The following CFHR5 variants were observed in gnomAD, a reference collection of about 807,000 sequenced individuals.
CFHR5 encodes complement factor H-related protein 5.
CFHR5 carries 73 observed loss-of-function variants against 62.9 expected under a neutral mutation model. That is an observed-to-expected ratio of 1.16 (90% CI 0.96 to 1.41). The LOEUF (loss-of-function observed/expected upper bound fraction) is 1.41, where lower values mean the gene tolerates loss of function less well. Ranked by LOEUF, CFHR5 falls within the 40% of genes most tolerant of loss-of-function variation. CFHR5 has a pLI of 0.00. For missense variants in CFHR5, 779 were observed against 679.9 expected, an observed-to-expected ratio of 1.15 and a Z score of -1.62; for synonymous variants, 249 against 227.2, an observed-to-expected ratio of 1.10 and a Z score of -0.86.
intron 3 of CFHR5, among the ~76,000 whole-genome samples, chr1:196,991,812 G>T (rs545338365): frequency 6.6e-6 from 1 of 152,166 alleles, no homozygotes; most frequent in South Asian, 2.1e-4. Context: ...CCCCTACTGG[G>T]AGGTGTCTCC....
intron 1 of CFHR5, among the ~76,000 whole-genome samples, chr1:196,980,296 T>C (rs1189303763): frequency 6.6e-6 from 1 of 152,076 alleles, no homozygotes; most frequent in Non-Finnish European, 1.5e-5. Context: ...ATAACAACTA[T>C]AGTACATTAA....
intron 6 of CFHR5, among the ~76,000 whole-genome samples, chr1:196,997,254 G>T (rs1654016612): frequency 6.6e-6 from 1 of 152,096 alleles, no homozygotes; most frequent in Non-Finnish European, 1.5e-5. Flanking sequence ...CCTATTGTGA[G>T]GGAATGTTTT....
At position 196,995,870 on chromosome 1, in the gene CFHR5, GA is replaced by G. The variant is rs1470758230; in HGVS notation, c.762del (p.Glu255AsnfsTer12). 6.2e-7 allele frequency: 1 copy of G among 1,613,300 alleles called. No individual in the cohort carries two copies. The highest frequency in any genetic ancestry group is 1.7e-5 in the Admixed American group (1 of 59,950). The stretch of plus-strand genomic sequence containing the variant: ...CCTAAGAAAATACAATGTGTGGATG[GA>G]GAATGGACAACTTTACCCACTTGTG... ...NGPKKIQCVD[G>X]EWTTLPTCVE... On this transcript the variant is annotated frameshift_variant, in exon 5 of 10. Transcript: ENST00000256785. LOFTEE classifies it high-confidence loss of function.
Position 197,009,291 on chromosome 1 carries a change from C to T in CFHR5, c.*608C>T, listed in dbSNP as rs1009223187. The T allele has an allele frequency of 6.6e-6, 1 of 152,226 alleles. No homozygotes were observed. The highest frequency in any genetic ancestry group is 1.9e-4 in the East Asian group (1 of 5,186). The allele number at this position is 152,226 out of a possible 1,614,324, so 9.4% of individuals were successfully genotyped here. A position where few individuals can be genotyped will look rare whatever the true frequency, so the allele number is the denominator to read the frequency against. On this transcript the variant is annotated 3_prime_UTR_variant, in exon 10 of 10. Transcript: ENST00000256785. ...TGTTGCATTGGCAGTTAAGTTTCCA[C>T]GTAAACTTTCGGGGACACATTCAAA... is the stretch of plus-strand genomic sequence containing the variant.
intron 1 of CFHR5, among the ~76,000 whole-genome samples, chr1:196,981,416 A>G (rs1428899398): frequency 2.0e-5 from 3 of 152,070 alleles, no homozygotes; most frequent in African/African-American, 7.2e-5. Flanking sequence ...AGGAAGTGGT[A>G]TATAGGAAAT....
chr1:196,993,376 C>T (rs565786472), intron 3 of CFHR5, among the ~76,000 whole-genome samples: 2 of 152,046 alleles, frequency 1.3e-5, no homozygotes, highest in East Asian at 3.9e-4. Context: ...CTCACTGCAA[C>T]CTCCGCCTCC....
intron 3 of CFHR5, among the ~76,000 whole-genome samples, chr1:196,987,278 T>G (rs1653716087): frequency 1.3e-5 from 2 of 152,340 alleles, no homozygotes; most frequent in South Asian, 4.1e-4. Flanking sequence ...ATCAGATGGG[T>G]AGATTGCAAA....
At chr1:196,986,410 C>G (rs546819362) in intron 3 of CFHR5, among the ~76,000 whole-genome samples, 1 of 151,782 alleles carries the variant, frequency 6.6e-6, no homozygotes, top group Non-Finnish European at 1.5e-5. Context: ...AGGGTACATG[C>G]GCACAACATG....
Position 196,983,039 on chromosome 1 carries a change from A to G in CFHR5, c.213A>G (p.Thr71=), listed in dbSNP as rs143503904. 9.3e-6 allele frequency: 15 copies of G among 1,614,074 alleles called. No homozygotes were observed. Among genetic ancestry groups the G allele is most frequent in the African/African-American group, 2.7e-5 (2 of 75,010 alleles). ...SPSKSFWTRI[T]CTEEGWSPTP... is the part of the protein sequence containing the mutation. Reference sequence around the variant, plus strand: ...CAAAATCCTTTTGGACTCGCATAACATGCACAGAAGAAGGATGGTCACCAA... The same window carrying G: ...CAAAATCCTTTTGGACTCGCATAACGTGCACAGAAGAAGGATGGTCACCAA... Residue 71 remains threonine, a synonymous_variant, in exon 2 of 10, where the codon ACA becomes ACG. Transcript: ENST00000256785.
intron 3 of CFHR5, among the ~76,000 whole-genome samples, chr1:196,986,967 T>A (rs914616627): frequency 1.2e-4 from 18 of 152,226 alleles, no homozygotes; most frequent in African/African-American, 4.3e-4. Flanking sequence ...ATGGTTGAAC[T>A]AGTTTACACT....
At chr1:196,989,332 A>G (rs1294529313) in intron 3 of CFHR5, among the ~76,000 whole-genome samples, 1 of 152,002 alleles carries the variant, frequency 6.6e-6, no homozygotes, top group Non-Finnish European at 1.5e-5. Context: ...TCCTGGATTC[A>G]TTGATTTTCT....
rs1229901179 is a variant in CFHR5, at chr1:197,002,812, A to G, written c.1330+148A>G. ...TGCTAAGTAACCAATTCTGTCATTT[A>G]AAAAAGTTTCTCTAAGAGTTATCTC... On this transcript the variant is annotated intron_variant, in intron 8 of 9. Coordinates refer to ENST00000256785, the MANE Select transcript of CFHR5 (RefSeq NM_030787.4). 8 of 676,268 alleles carry G rather than the reference A, an allele frequency of 1.2e-5. No homozygotes were observed. The African/African-American group carries it at 1.5e-4, about 12-fold the overall frequency. 41.9% of individuals were successfully genotyped at this position (676,268 alleles called of 1,614,324 possible).
chr1:196,982,453 C>T (rs1272901068), intron 1 of CFHR5, among the ~76,000 whole-genome samples: 1 of 152,164 alleles, frequency 6.6e-6, no homozygotes, highest in Non-Finnish European at 1.5e-5. Context: ...GCATGGATCA[C>T]CTGAGGTCAG....
intron 1 of CFHR5, among the ~76,000 whole-genome samples, chr1:196,980,640 A>G (rs914683701): frequency 6.6e-6 from 1 of 151,786 alleles, no homozygotes; most frequent in Admixed American, 6.6e-5. Flanking sequence ...ATCCCAGAAG[A>G]AATATATTCA....
At chr1:197,001,970 C>T (rs906272883) in intron 7 of CFHR5, among the ~76,000 whole-genome samples, 1 of 152,060 alleles carries the variant, frequency 6.6e-6, no homozygotes, top group African/African-American at 2.4e-5. Context: ...CCTAGTCCAA[C>T]GGAGGCATTC....
chr1:196,987,214 T>G (rs187196180), intron 3 of CFHR5, among the ~76,000 whole-genome samples: 4 of 148,016 alleles, frequency 2.7e-5, no homozygotes, highest in Non-Finnish European at 5.9e-5. Context: ...TTTGATGGGG[T>G]TTTTTCTTGT....
In CFHR5 at chr1:196,994,085, G is replaced by A. The variant is rs142998381; in HGVS notation, c.436G>A (p.Glu146Lys). 1.2e-6 allele frequency: 2 copies of A among 1,610,836 alleles called. No homozygotes were observed. Among genetic ancestry groups the A allele is most frequent in the Non-Finnish European group, 8.5e-7 (1 of 1,177,584 alleles). ...TCATTTAATTTTATTTTTAGAAGGAGAATGTCATGTTCCAATTTTAGAAGC... is the reference window on the plus strand; with the variant it reads ...TCATTTAATTTTATTTTTAGAAGGAAAATGTCATGTTCCAATTTTAGAAGC... Reference protein sequence around the residue: ...TPPICSFTKGECHVPILEANV... With the variant: ...TPPICSFTKGKCHVPILEANV... Residue 146 changes from glutamate (E) to lysine (K), a missense_variant, in exon 4 of 10, where the codon GAA (glutamate) becomes AAA (lysine). Coordinates refer to ENST00000256785, the MANE Select transcript of CFHR5 (RefSeq NM_030787.4).
intron 3 of CFHR5, among the ~76,000 whole-genome samples, chr1:196,984,374 A>G (rs1379233167): frequency 6.6e-6 from 1 of 152,230 alleles, no homozygotes; most frequent in Non-Finnish European, 1.5e-5. Context: ...AAGATAATCC[A>G]TTAATGTAAC....
intron 3 of CFHR5, among the ~76,000 whole-genome samples, chr1:196,992,983 A>G (rs1653884863): frequency 6.6e-6 from 1 of 152,092 alleles, no homozygotes; most frequent in African/African-American, 2.4e-5. Flanking sequence ...TTGAATGTCA[A>G]TTATTTATTT....
Sources: allele counts gnomAD v4.1 joint callset (sites outside exome capture counted in the v4.1 genomes callset), GRCh38; gene constraint gnomAD v4.1.1; transcripts MANE v1.5; gene names NCBI Gene and HGNC (gene_info 2026-07-23, HGNC 2026-07-21).